CCDC180: variants seen among roughly 807,000 people sequenced by gnomAD.
The protein encoded by CCDC180 is coiled-coil domain-containing protein 180.
In CCDC180, 154 loss-of-function variants were observed where a neutral mutation model predicts 209.2. The ratio of observed to expected loss-of-function variants is 0.74; its 90% CI spans 0.65 to 0.84. The LOEUF (loss-of-function observed/expected upper bound fraction) is 0.84, where lower values mean the gene tolerates loss of function less well. Among genes scored for constraint, CCDC180 ranks in the 40% least tolerant of loss-of-function variants. CCDC180 has a pLI of 0.00. For synonymous variants in CCDC180, 778 were observed against 749.1 expected (o/e 1.04, Z -0.63); for missense variants, 1,874 against 1,997.3 (o/e 0.94, Z 1.18).
Position 97,376,941 on chromosome 9 carries a change from C to G in CCDC180, c.*47C>G. ...AACACTTTCTTATACAGACTCCTTCCCTGTCCATCTACCTGCCTACCTACT... is the reference window on the plus strand; with the variant it reads ...AACACTTTCTTATACAGACTCCTTCGCTGTCCATCTACCTGCCTACCTACT... On this transcript the variant is annotated 3_prime_UTR_variant, in exon 37 of 37. Coordinates refer to ENST00000529487, the MANE Select transcript of CCDC180 (RefSeq NM_020893.6). The G allele has an allele frequency of 6.3e-7, 1 of 1,577,462 alleles. No individual in the cohort carries two copies. The highest frequency in any genetic ancestry group is 2.3e-5 in the East Asian group (1 of 44,190).
Position 97,308,026 on chromosome 9 carries a change from G to T in CCDC180, c.-38G>T. On this transcript the variant is annotated 5_prime_UTR_variant, in exon 2 of 37. Coordinates refer to ENST00000529487, the MANE Select transcript of CCDC180 (RefSeq NM_020893.6). ...CAAAGCCTAGACGCGTTTCCTGGAC[G>T]ACGGCTTCCCGGCAGGGGCATCCAG... 1 of 1,611,752 alleles carries T rather than the reference G, an allele frequency of 6.2e-7. No homozygotes were observed. The highest frequency in any genetic ancestry group is 1.7e-5 in the Admixed American group (1 of 59,472).
chr9:97,356,322 G>A (rs559732018), intron 24 of CCDC180, among the ~76,000 whole-genome samples: 2 of 152,302 alleles, frequency 1.3e-5, no homozygotes, highest in South Asian at 4.1e-4. Flanking sequence ...TAAAAGAAGT[G>A]TTTGCTGGCA....
rs931687017 is a variant in CCDC180, at chr9:97,311,666, G to A, written c.261-447G>A. On this transcript the variant is annotated intron_variant, in intron 3 of 36. Transcript: ENST00000529487. ...CTGTTGCATTCTGTGGTTCCTATAA[G>A]CCCCATCCGCCTTTCTGGAAAATGA... 2.0e-5 allele frequency among the ~76,000 whole-genome samples: 3 copies of A among 152,142 alleles called. 1 individual carries two copies. The highest frequency in any genetic ancestry group is 2.0e-4 in the Admixed American group (3 of 15,286).
chr9:97,314,355 G>C, intron 5 of CCDC180, 38 bp from the exon 6 acceptor site: 1 of 1,612,580 alleles, frequency 6.2e-7, no homozygotes, highest in Non-Finnish European at 8.5e-7. Context: ...TCCCAGGGGT[G>C]CTGATGCCTT....
chr9:97,324,194 C>A (rs1030150413), intron 13 of CCDC180, among the ~76,000 whole-genome samples: 1 of 152,258 alleles, frequency 6.6e-6, no homozygotes, highest in Admixed American at 6.5e-5. Context: ...ACAATAAGCC[C>A]CCAGCCCAAG....
chr9:97,309,887 TC>T (rs2118511801), intron 3 of CCDC180, among the ~76,000 whole-genome samples: 1 of 151,678 alleles, frequency 6.6e-6, no homozygotes, highest in African/African-American at 2.4e-5. Context: ...AATAAGCACA[TC>T]CCCCCAATGG....
rs3214890 is a variant in CCDC180, at chr9:97,377,387, G to GAA, written c.*503_*504dup. 20 of 149,834 alleles carry GAA rather than the reference G, an allele frequency of 1.3e-4. No homozygotes were observed. The highest frequency in any genetic ancestry group is 1.8e-4 in the Non-Finnish European group (12 of 67,594). 9.3% of individuals were successfully genotyped at this position (149,834 alleles called of 1,614,324 possible). On this transcript the variant is annotated 3_prime_UTR_variant, in exon 37 of 37. Transcript: ENST00000529487. The stretch of plus-strand genomic sequence containing the variant: ...TGTCTGAGCAAATTGCAATATTTTG[G>GAA]AAAAAAAAAAATCTTCCAGGCTCCT...
chr9:97,367,055 A>G (rs1826943793), intron 31 of CCDC180, among the ~76,000 whole-genome samples: 1 of 152,156 alleles, frequency 6.6e-6, no homozygotes, highest in Non-Finnish European at 1.5e-5. Flanking sequence ...AGAGTTATGC[A>G]ATCACCGCTA....
intron 3 of CCDC180, among the ~76,000 whole-genome samples, chr9:97,310,119 T>C (rs903173499): frequency 2.0e-5 from 3 of 152,244 alleles, no homozygotes; most frequent in African/African-American, 7.2e-5. Flanking sequence ...TTTTGAACTT[T>C]ACTGCAGTGA....
At chr9:97,367,090 C>T (rs972428191) in intron 31 of CCDC180, among the ~76,000 whole-genome samples, 2 of 152,172 alleles carry the variant, frequency 1.3e-5, no homozygotes, top group Non-Finnish European at 2.9e-5. Context: ...AACCCCATCC[C>T]CTAACCCCTC....
Position 97,349,241 on chromosome 9 carries a change from T to C in CCDC180, c.2805T>C (p.Leu935=). 1 of 1,536,626 alleles carries C rather than the reference T, an allele frequency of 6.5e-7. No homozygotes were observed. Among genetic ancestry groups the C allele is most frequent in the Non-Finnish European group, 8.7e-7 (1 of 1,147,018 alleles). ...ACGTGAGGAGCAAAAACTTCCGCCT[T>C]AAGATCTATGACATGGAGCACATCT... ...EQNVRSKNFR[L]KIYDMEHIFL... is the part of the protein sequence containing the mutation. Residue 935 remains leucine, a synonymous_variant, in exon 21 of 37, where the codon CTT becomes CTC. Transcript: ENST00000529487.
At chr9:97,370,516 C>T in intron 32 of CCDC180, 125 bp from the exon 33 acceptor site, 1 of 1,089,396 alleles carries the variant, frequency 9.2e-7, no homozygotes, top group Non-Finnish European at 1.3e-6. Flanking sequence ...TCTGCCCACC[C>T]ATCACCCCCA....
chr9:97,367,524 T>A (rs1336249965), intron 31 of CCDC180, among the ~76,000 whole-genome samples: 1 of 150,948 alleles, frequency 6.6e-6, no homozygotes, highest in Non-Finnish European at 1.5e-5. Context: ...TGGAGTGCAG[T>A]GGCACGATCC....
intron 22 of CCDC180, among the ~76,000 whole-genome samples, chr9:97,351,547 T>G (rs1451862211): frequency 2.0e-5 from 3 of 152,228 alleles, no homozygotes; most frequent in African/African-American, 4.8e-5. Flanking sequence ...TTTTTAAGGC[T>G]TATGCTATTT....
chr9:97,309,736 C>T lies in CCDC180; in HGVS notation c.260+132C>T, dbSNP rs1255088773. The T allele has an allele frequency of 4.6e-5, 30 of 654,138 alleles. No homozygotes were observed. The South Asian group carries it at 7.8e-4, about 17-fold the overall frequency. The allele number at this position is 654,138 out of a possible 1,614,324, so 40.5% of individuals were successfully genotyped here. A position where few individuals can be genotyped will look rare whatever the true frequency, so the allele number is the denominator to read the frequency against. On this transcript the variant is annotated intron_variant, in intron 3 of 36. Transcript: ENST00000529487. ...AAGTACCACCCCTAAAGCAGGGAGG[C>T]TAATACCTACCTTGCAGGATGGTTT...
Position 97,314,651 on chromosome 9 carries a change from C to T in CCDC180, c.622C>T (p.Arg208Trp), listed in dbSNP as rs774159388. The T allele has an allele frequency of 2.2e-5, 36 of 1,613,906 alleles. No individual in the cohort carries two copies. The highest frequency in any genetic ancestry group is 1.6e-4 in the Middle Eastern group (1 of 6,084). The change falls in exon 7 of 37, where the codon CGG (arginine) becomes TGG (tryptophan). Residue 208 changes from arginine (R) to tryptophan (W), a missense_variant. By Grantham distance (101) the Arg-to-Trp change is moderately radical. Transcript: ENST00000529487. ...GGAGCTGTGGGATAAGGTGGCCGGG[C>T]GGTTACTGCTCCGGAAGCAGGAGAT... ...LLELWDKVAG[R>W]LLLRKQEIKE...
intron 11 of CCDC180, among the ~76,000 whole-genome samples, chr9:97,321,963 A>T (rs557705017): frequency 6.6e-6 from 1 of 152,170 alleles, no homozygotes; most frequent in African/African-American, 2.4e-5. Flanking sequence ...TCTGCTGGCC[A>T]CGTGGGCTGC....
chr9:97,314,868 G>C lies in CCDC180; in HGVS notation c.717G>C (p.Lys239Asn). 6.2e-7 allele frequency: 1 copy of C among 1,614,092 alleles called. No individual in the cohort carries two copies. The highest frequency in any genetic ancestry group is 8.5e-7 in the Non-Finnish European group (1 of 1,179,938). The change falls in exon 8 of 37, where the codon AAG becomes AAC. Residue 239 changes from lysine (K) to asparagine (N), a missense_variant. By Grantham distance (94) the Lys-to-Asn change is moderately conservative. Coordinates refer to ENST00000529487, the MANE Select transcript of CCDC180 (RefSeq NM_020893.6). ...SRTDKLKSVL[K>N]KYAEVIEKTS... ...ATTTCTAGCTAAAAAGCGTGTTGAA[G>C]AAATATGCAGAAGTCATAGAGAAAA...
At chr9:97,315,070 A>G (rs919853659) in intron 8 of CCDC180, 124 bp downstream of exon 8, 28 of 689,846 alleles carry the variant, frequency 4.1e-5, no homozygotes, top group Non-Finnish European at 6.6e-5. Context: ...TAACGTTTCT[A>G]AGGGGCTCAG....
Sources: gnomAD v4.1 joint callset for allele counts (sites outside exome capture counted in the v4.1 genomes callset) on GRCh38, gnomAD v4.1.1 for gene constraint, MANE v1.5 for transcripts, NCBI Gene and HGNC (gene_info 2026-07-23, HGNC 2026-07-21) for gene names.